The following KCNB2 variants were observed in gnomAD, a reference collection of about 807,000 sequenced individuals.
KCNB2 encodes delayed rectifier potassium channel protein.
In KCNB2, 15 loss-of-function variants were observed where a neutral mutation model predicts 61.5. The observed-to-expected ratio is 0.24, with a 90% CI of 0.16 to 0.38. The LOEUF (loss-of-function observed/expected upper bound fraction) is 0.38. Among genes scored for constraint, KCNB2 ranks in the 10% least tolerant of loss-of-function variants. KCNB2 has a pLI of 1.00. For synonymous variants in KCNB2, 457 were observed against 446.0 expected (o/e 1.02, Z -0.31); for missense variants, 828 against 1,125.2 (o/e 0.74, Z 3.78).
At position 72,717,814 on chromosome 8, in the gene KCNB2, G is replaced by A. The variant is rs565539411; in HGVS notation, c.579+149501G>A. On this transcript the variant is annotated intron_variant, in intron 2 of 2. Coordinates refer to ENST00000523207, the MANE Select transcript of KCNB2 (RefSeq NM_004770.3). The stretch of plus-strand genomic sequence containing the variant: ...CAACAAAAGCCAAAATTGACAAATG[G>A]GATCTAATTAAACTGAAGAGTTTCT... Among the ~76,000 whole-genome samples, 8 of 152,200 alleles carry A rather than the reference G, an allele frequency of 5.3e-5. No individual in the cohort carries two copies. The South Asian group carries it at 1.7e-3, about 32-fold the overall frequency.
At chr8:72,655,004 A>G (rs1806267851) in intron 2 of KCNB2, among the ~76,000 whole-genome samples, 1 of 152,140 alleles carries the variant, frequency 6.6e-6, no homozygotes, top group Non-Finnish European at 1.5e-5. Context: ...CATGTGTTTC[A>G]TCACAGCACT....
chr8:72,772,438 CCT>C (rs1202945398), intron 2 of KCNB2, among the ~76,000 whole-genome samples: 12 of 152,154 alleles, frequency 7.9e-5, no homozygotes, highest in African/African-American at 2.2e-4. Context: ...CAAAATTTCC[CCT>C]GATTGAGAAC....
At chr8:72,728,588 A>G (rs191687951) in intron 2 of KCNB2, among the ~76,000 whole-genome samples, 2 of 152,370 alleles carry the variant, frequency 1.3e-5, no homozygotes, top group African/African-American at 2.4e-5. Context: ...AGATGTAGAT[A>G]GATATCTATG....
At position 72,665,392 on chromosome 8, in the gene KCNB2, A is replaced by G. The variant is rs552674745; in HGVS notation, c.579+97079A>G. Among the ~76,000 whole-genome samples the G allele has an allele frequency of 3.0e-3, 460 of 152,278 alleles. 1 individual carries two copies. The highest frequency in any genetic ancestry group is 4.4e-3 in the Non-Finnish European group (297 of 68,002). Reference sequence around the variant, plus strand: ...AGTGGGAAACTGCTGGGGAAGTCGGATGGGGAGGAAAGAACAGAGCAGGCC... The same window carrying G: ...AGTGGGAAACTGCTGGGGAAGTCGGGTGGGGAGGAAAGAACAGAGCAGGCC... On this transcript the variant is annotated intron_variant, in intron 2 of 2. Transcript: ENST00000523207.
chr8:72,634,625 G>C (rs1003943432), intron 2 of KCNB2, among the ~76,000 whole-genome samples: 15 of 152,080 alleles, frequency 9.9e-5, no homozygotes, highest in African/African-American at 3.6e-4. Context: ...CTTGGTATTA[G>C]GATTTAAGTA....
intron 2 of KCNB2, among the ~76,000 whole-genome samples, chr8:72,830,432 A>G (rs913001388): frequency 6.6e-6 from 1 of 152,130 alleles, no homozygotes; most frequent in Non-Finnish European, 1.5e-5. Flanking sequence ...ATTCACACTT[A>G]AAGAAGGAAC....
At chr8:72,834,492 G>A (rs1404921956) in intron 2 of KCNB2, among the ~76,000 whole-genome samples, 3 of 152,168 alleles carry the variant, frequency 2.0e-5, no homozygotes, top group African/African-American at 4.8e-5. Context: ...TCCTTCTCTA[G>A]TCCAACTGAC....
At chr8:72,814,646 G>A (rs1054357096) in intron 2 of KCNB2, among the ~76,000 whole-genome samples, 7 of 152,128 alleles carry the variant, frequency 4.6e-5, no homozygotes, top group African/African-American at 1.4e-4. Context: ...AGTAGGCAAA[G>A]ACTTCATTAT....
At chr8:72,628,784 G>C (rs73688725) in intron 2 of KCNB2, among the ~76,000 whole-genome samples, 1 of 152,186 alleles carries the variant, frequency 6.6e-6, no homozygotes, top group Non-Finnish European at 1.5e-5. Flanking sequence ...CACATCTGCT[G>C]CTGAATAACA....
intron 2 of KCNB2, among the ~76,000 whole-genome samples, chr8:72,754,672 A>G (rs1242983861): frequency 6.6e-6 from 1 of 152,232 alleles, no homozygotes; most frequent in Non-Finnish European, 1.5e-5. Flanking sequence ...AATACTGTTA[A>G]GAAAATAAAA....
chr8:72,590,746 G>A (rs968790416), intron 2 of KCNB2, among the ~76,000 whole-genome samples: 1 of 152,142 alleles, frequency 6.6e-6, no homozygotes, highest in Non-Finnish European at 1.5e-5. Flanking sequence ...GCATTCTATT[G>A]AGTCTTAGAA....
At chr8:72,924,505 A>G (rs1344948684) in intron 2 of KCNB2, among the ~76,000 whole-genome samples, 2 of 152,164 alleles carry the variant, frequency 1.3e-5, no homozygotes, top group Admixed American at 6.5e-5. Context: ...TGCATTTCTA[A>G]TCTGTTCCCA....
intron 2 of KCNB2, among the ~76,000 whole-genome samples, chr8:72,901,423 TA>T (rs961864778): frequency 6.6e-6 from 1 of 152,306 alleles, no homozygotes; most frequent in African/African-American, 2.4e-5. Flanking sequence ...TTTGAAAATA[TA>T]AAAAAGAATG....
chr8:72,768,395 G>A (rs1388601509), intron 2 of KCNB2, among the ~76,000 whole-genome samples: 3 of 152,014 alleles, frequency 2.0e-5, no homozygotes, highest in African/African-American at 4.8e-5. Context: ...GGCTGGTCTC[G>A]AACTCCTGAC....
chr8:72,636,920 T>C (rs1411609419), intron 2 of KCNB2, among the ~76,000 whole-genome samples: 1 of 152,192 alleles, frequency 6.6e-6, no homozygotes, highest in African/African-American at 2.4e-5. Context: ...TTTTCCAGTC[T>C]TGAAATATCT....
intron 2 of KCNB2, among the ~76,000 whole-genome samples, chr8:72,626,549 G>A (rs1805792705): frequency 6.6e-6 from 1 of 152,198 alleles, no homozygotes; most frequent in African/African-American, 2.4e-5. Context: ...AATAACATGT[G>A]TTGAGCACTA....
intron 2 of KCNB2, among the ~76,000 whole-genome samples, chr8:72,791,670 T>G (rs116410168): frequency 6.6e-6 from 1 of 152,178 alleles, no homozygotes; most frequent in Non-Finnish European, 1.5e-5. Context: ...TTCCCTTTGA[T>G]GAAGCATCTT....
chr8:72,703,677 G>T (rs1325651066), intron 2 of KCNB2, among the ~76,000 whole-genome samples: 1 of 152,092 alleles, frequency 6.6e-6, no homozygotes, highest in Non-Finnish European at 1.5e-5. Flanking sequence ...GAGAGAAGCT[G>T]GGCCATGCCT....
chr8:72,628,091 C>T (rs1387054489), intron 2 of KCNB2, among the ~76,000 whole-genome samples: 1 of 151,976 alleles, frequency 6.6e-6, no homozygotes, highest in Admixed American at 6.6e-5. Context: ...GTAGCTGGGA[C>T]TACAGGTGTG....
Sources: allele counts gnomAD v4.1 joint callset (sites outside exome capture counted in the v4.1 genomes callset), GRCh38; gene constraint gnomAD v4.1.1; transcripts MANE v1.5; gene names NCBI Gene and HGNC (gene_info 2026-07-23, HGNC 2026-07-21).